Variants in SLC9C1 observed in about 807,000 individuals in gnomAD.
SLC9C1 encodes the protein sodium/hydrogen exchanger 10.
Under a neutral mutation model 140.9 loss-of-function variants are expected in SLC9C1, and 97 were observed. That is an observed-to-expected ratio of 0.69 (90% CI 0.58 to 0.82). The LOEUF is 0.82. Among genes scored for constraint, SLC9C1 ranks in the 40% least tolerant of loss-of-function variants. The probability of loss-of-function intolerance (pLI) is 0.00; values close to 1 mark genes in which losing one functional copy is unlikely to be tolerated. For missense variants in SLC9C1, 1,340 were observed against 1,389.3 expected (o/e 0.96, Z 0.56); for synonymous variants, 440 against 442.6 (o/e 0.99, Z 0.07).
intron 10 of SLC9C1, among the ~76,000 whole-genome samples, chr3:112,251,118 C>T (rs1453930928): frequency 1.3e-5 from 2 of 152,048 alleles, no homozygotes; most frequent in African/African-American, 4.8e-5. Context: ...CTAGTATGCA[C>T]CTCTATCATG....
At chr3:112,229,967 A>G (rs1352372298) in intron 13 of SLC9C1, among the ~76,000 whole-genome samples, 1 of 152,148 alleles carries the variant, frequency 6.6e-6, no homozygotes, top group Non-Finnish European at 1.5e-5. Context: ...ATAGCAGATT[A>G]TATATACTTT....
intron 10 of SLC9C1, among the ~76,000 whole-genome samples, chr3:112,258,400 GT>G (rs2079672120): frequency 7.4e-6 from 1 of 135,884 alleles, no homozygotes; most frequent in East Asian, 2.4e-4. Context: ...ATTTGGGTGG[GT>G]TTTTTTGTTT....
chr3:112,142,708 G>A (rs2074667635), intron 28 of SLC9C1, among the ~76,000 whole-genome samples: 2 of 151,802 alleles, frequency 1.3e-5, no homozygotes, highest in Admixed American at 1.3e-4. Flanking sequence ...GTATTCTTTG[G>A]GCAATAATAA....
intron 20 of SLC9C1, among the ~76,000 whole-genome samples, chr3:112,192,047 T>G (rs1176779001): frequency 7.1e-6 from 1 of 141,776 alleles, no homozygotes; most frequent in Non-Finnish European, 1.6e-5. Context: ...CAAACATCCC[T>G]CTCACTGTTT....
intron 10 of SLC9C1, among the ~76,000 whole-genome samples, chr3:112,249,064 T>C (rs1194148530): frequency 6.6e-6 from 1 of 152,152 alleles, no homozygotes; most frequent in Admixed American, 6.6e-5. Flanking sequence ...TTGCTGATTC[T>C]GTATGATGTT....
At position 112,168,956 on chromosome 3, in the gene SLC9C1, A is replaced by C; in HGVS notation, c.3158T>G (p.Leu1053Arg). The C allele has an allele frequency of 1.2e-6, 2 of 1,611,950 alleles. No homozygotes were observed. Among genetic ancestry groups the C allele is most frequent in the Non-Finnish European group, 8.5e-7 (1 of 1,179,324 alleles). Residue 1053 changes from leucine (L) to arginine (R), a missense_variant, in exon 25 of 29, where the codon CTC (leucine) becomes CGC (arginine). Leu to Arg is a moderately radical substitution (Grantham distance 102, BLOSUM62 -2). Transcript: ENST00000305815. ...IYDENLIYVI[L>R]IHGAVEDCLL... ...ACAATCTTCTACAGCTCCATGTATGAGGATAACATAGATTAGATTTTCATC... is the reference window on the plus strand; with the variant it reads ...ACAATCTTCTACAGCTCCATGTATGCGGATAACATAGATTAGATTTTCATC...
Position 112,208,304 on chromosome 3 carries a change from C to T in SLC9C1, c.1860G>A (p.Val620=), listed in dbSNP as rs982025942. 10 of 1,609,178 alleles carry T rather than the reference C, an allele frequency of 6.2e-6. No individual in the cohort carries two copies. The highest frequency in any genetic ancestry group is 2.2e-5 in the East Asian group (1 of 44,728). The change falls in exon 16 of 29, where the codon GTG becomes GTA. Residue 620 remains valine, a synonymous_variant. Coordinates refer to ENST00000305815, the MANE Select transcript of SLC9C1 (RefSeq NM_183061.3). ...TEEFEHVGYL[V]ILMNIFPFII... Reference sequence around the variant, plus strand: ...TAAAGGGAAATATATTCATTAATATCACAAGGTATCCAACATGTTCAAATT... The same window carrying T: ...TAAAGGGAAATATATTCATTAATATTACAAGGTATCCAACATGTTCAAATT...
intron 27 of SLC9C1, among the ~76,000 whole-genome samples, chr3:112,154,361 A>G (rs765785619): frequency 2.0e-5 from 3 of 152,098 alleles, no homozygotes; most frequent in African/African-American, 7.2e-5. Flanking sequence ...TATTTTCATT[A>G]TATTTCTCTC....
intron 27 of SLC9C1, among the ~76,000 whole-genome samples, chr3:112,154,256 C>T (rs1279652171): frequency 1.3e-5 from 2 of 152,128 alleles, no homozygotes; most frequent in African/African-American, 4.8e-5. Context: ...GCAATATAAA[C>T]AACTTGGCAG....
chr3:112,218,242 C>G (rs1381135304), intron 14 of SLC9C1, among the ~76,000 whole-genome samples: 1 of 150,238 alleles, frequency 6.7e-6, no homozygotes, highest in Non-Finnish European at 1.5e-5. Flanking sequence ...TTTAGCCAAT[C>G]TCCTTGGCTT....
intron 10 of SLC9C1, among the ~76,000 whole-genome samples, chr3:112,257,014 A>G (rs2079626675): frequency 6.6e-6 from 1 of 152,134 alleles, no homozygotes; most frequent in Admixed American, 6.6e-5. Flanking sequence ...AAAAATCTCT[A>G]CAATGAGAAT....
chr3:112,266,165 G>A (rs1160892131), intron 8 of SLC9C1, 73 bp downstream of exon 8: 3 of 1,083,582 alleles, frequency 2.8e-6, no homozygotes, highest in Non-Finnish European at 4.1e-6. Flanking sequence ...CCATGTAGAT[G>A]TAGATATTGT....
chr3:112,181,176 A>G (rs2077432840), intron 21 of SLC9C1, among the ~76,000 whole-genome samples: 1 of 152,194 alleles, frequency 6.6e-6, no homozygotes, highest in African/African-American at 2.4e-5. Flanking sequence ...AGTAAAGAGG[A>G]AGGTGGATCT....
chr3:112,280,748 G>C lies in SLC9C1; in HGVS notation c.124C>G (p.Pro42Ala). The change falls in exon 3 of 29, where the codon CCT (proline) becomes GCT (alanine). Residue 42 changes from proline to alanine, a missense_variant. Transcript: ENST00000305815. ...AGTAAAAATAATATCACAGGGACAG[G>C]AATTGGAAAGTCTTCCAAGTGCCGG... ...LNRHLEDFPI[P>A]VPVILFLLGC... The C allele has an allele frequency of 6.2e-7, 1 of 1,611,848 alleles. No homozygotes were observed. The highest frequency in any genetic ancestry group is 8.5e-7 in the Non-Finnish European group (1 of 1,179,440).
At chr3:112,235,897 C>T (rs576024932) in intron 12 of SLC9C1, among the ~76,000 whole-genome samples, 31 of 152,224 alleles carry the variant, frequency 2.0e-4, no homozygotes, top group African/African-American at 7.0e-4. Flanking sequence ...ATTTTTGCAT[C>T]AATGTTCATC....
intron 23 of SLC9C1, among the ~76,000 whole-genome samples, chr3:112,174,041 C>G (rs184905220): frequency 3.3e-5 from 5 of 152,056 alleles, no homozygotes; most frequent in Non-Finnish European, 7.4e-5. Context: ...GGTTAGTGAT[C>G]GTCAGAATTT....
intron 4 of SLC9C1, among the ~76,000 whole-genome samples, chr3:112,278,130 A>G (rs1350466072): frequency 6.6e-6 from 1 of 152,104 alleles, no homozygotes; most frequent in Non-Finnish European, 1.5e-5. Context: ...AAAAGTATAA[A>G]TTATTCTAAC....
chr3:112,288,984 G>C (rs2080599431), intron 1 of SLC9C1, among the ~76,000 whole-genome samples: 1 of 152,090 alleles, frequency 6.6e-6, no homozygotes, highest in African/African-American at 2.4e-5. Context: ...CCTATCTCCA[G>C]AGATTCTGAT....
At chr3:112,170,184 A>G (rs1473754193) in intron 23 of SLC9C1, among the ~76,000 whole-genome samples, 1 of 152,184 alleles carries the variant, frequency 6.6e-6, no homozygotes, top group East Asian at 1.9e-4. Flanking sequence ...ACAAAAATAA[A>G]TAAATAATCA....
Sources: gnomAD v4.1 joint callset for allele counts (sites outside exome capture counted in the v4.1 genomes callset) on GRCh38, gnomAD v4.1.1 for gene constraint, MANE v1.5 for transcripts, NCBI Gene and HGNC (gene_info 2026-07-23, HGNC 2026-07-21) for gene names.